Variants in CDKAL1 observed in about 807,000 individuals in gnomAD.
CDKAL1 encodes threonylcarbamoyladenosine tRNA methylthiotransferase.
A neutral mutation model predicts 68.2 loss-of-function variants in CDKAL1; 32 were observed. That is an observed-to-expected ratio of 0.47 (90% CI 0.35 to 0.63). The LOEUF is 0.63. CDKAL1 is among the 30% of genes least tolerant of loss of function. The probability of loss-of-function intolerance (pLI) is 0.00; values close to 1 mark genes in which losing one functional copy is unlikely to be tolerated. For synonymous variants in CDKAL1, 234 were observed against 244.3 expected (o/e 0.96, Z 0.39); for missense variants, 606 against 696.7 (o/e 0.87, Z 1.47).
chr6:21,170,091 T>A (rs1777320041), intron 13 of CDKAL1, among the ~76,000 whole-genome samples: 1 of 152,112 alleles, frequency 6.6e-6, no homozygotes, highest in Non-Finnish European at 1.5e-5. Context: ...TGAAGACAGC[T>A]AATGTTCTGT....
chr6:20,844,732 A>G (rs888438876), intron 8 of CDKAL1, among the ~76,000 whole-genome samples: 11 of 151,942 alleles, frequency 7.2e-5, no homozygotes, highest in African/African-American at 2.4e-4. Flanking sequence ...AAAAGAAAAT[A>G]TCGACAACAG....
intron 10 of CDKAL1, among the ~76,000 whole-genome samples, chr6:20,970,884 C>G (rs2150753765): frequency 6.6e-6 from 1 of 152,328 alleles, no homozygotes; most frequent in African/African-American, 2.4e-5. Flanking sequence ...AAGTCTCGCT[C>G]TGTCACCCAG....
intron 9 of CDKAL1, among the ~76,000 whole-genome samples, chr6:20,932,414 A>T (rs371061097): frequency 1.3e-5 from 2 of 152,166 alleles, no homozygotes; most frequent in African/African-American, 4.8e-5. Flanking sequence ...AACATACTTT[A>T]TTGGCAATTC....
chr6:20,874,332 C>T (rs1760383504), intron 9 of CDKAL1, among the ~76,000 whole-genome samples: 4 of 151,654 alleles, frequency 2.6e-5, no homozygotes, highest in South Asian at 4.2e-4. Flanking sequence ...GATGGAGTCT[C>T]GCCCTGTCGT....
intron 4 of CDKAL1, among the ~76,000 whole-genome samples, chr6:20,573,493 G>C (rs996054413): frequency 1.3e-5 from 2 of 152,030 alleles, no homozygotes; most frequent in Non-Finnish European, 2.9e-5. Context: ...ATTTCAAATT[G>C]TATCTGATAC....
chr6:21,195,014 T>C (rs1778406953), intron 13 of CDKAL1, among the ~76,000 whole-genome samples: 1 of 152,198 alleles, frequency 6.6e-6, no homozygotes, highest in South Asian at 2.1e-4. Flanking sequence ...TGATCAAAGC[T>C]TACTGCAGCC....
chr6:20,629,195 T>G (rs1328851615), intron 4 of CDKAL1, among the ~76,000 whole-genome samples: 2 of 152,194 alleles, frequency 1.3e-5, no homozygotes, highest in African/African-American at 2.4e-5. Context: ...ACTTGAGTGA[T>G]TGTGTCTTGA....
chr6:21,010,256 T>A (rs1212579922), intron 11 of CDKAL1, among the ~76,000 whole-genome samples: 4 of 151,962 alleles, frequency 2.6e-5, no homozygotes, highest in African/African-American at 9.7e-5. Flanking sequence ...AACTGCAGAG[T>A]TTCTTAATGA....
chr6:21,215,259 A>G (rs1779300230), intron 15 of CDKAL1, among the ~76,000 whole-genome samples: 1 of 152,186 alleles, frequency 6.6e-6, no homozygotes, highest in South Asian at 2.1e-4. Flanking sequence ...TTCCCGTGGT[A>G]AAGGCAAAGG....
intron 8 of CDKAL1, among the ~76,000 whole-genome samples, chr6:20,781,505 A>G (rs2150376181): frequency 6.6e-6 from 1 of 152,330 alleles, no homozygotes; most frequent in East Asian, 1.9e-4. Context: ...CATAATAAAC[A>G]TGGATTTCAT....
intron 11 of CDKAL1, among the ~76,000 whole-genome samples, chr6:21,020,331 C>T (rs896182775): frequency 2.6e-5 from 4 of 152,124 alleles, no homozygotes; most frequent in Non-Finnish European, 5.9e-5. Context: ...CAATGTTAGA[C>T]AGAAATATAT....
intron 5 of CDKAL1, among the ~76,000 whole-genome samples, chr6:20,728,945 A>G (rs1772779834): frequency 6.6e-6 from 1 of 152,110 alleles, no homozygotes; most frequent in South Asian, 2.1e-4. Context: ...ATTTGGATGA[A>G]TAGGTGAAAG....
intron 13 of CDKAL1, among the ~76,000 whole-genome samples, chr6:21,148,784 C>A (rs1776286662): frequency 6.6e-6 from 1 of 151,950 alleles, no homozygotes; most frequent in Admixed American, 6.6e-5. Flanking sequence ...AATTTTGTTT[C>A]AGGGAGAGGA....
chr6:20,675,629 G>A (rs960866565), intron 5 of CDKAL1, among the ~76,000 whole-genome samples: 12 of 152,132 alleles, frequency 7.9e-5, no homozygotes, highest in Admixed American at 5.2e-4. Context: ...GGTGTTGCTG[G>A]TGTAAACAAA....
At chr6:21,208,387 C>G (rs1223041251) in intron 15 of CDKAL1, among the ~76,000 whole-genome samples, 1 of 152,266 alleles carries the variant, frequency 6.6e-6, no homozygotes, top group Admixed American at 6.5e-5. Flanking sequence ...TTTCCAGAAC[C>G]AGTGAAGTGA....
At position 20,765,092 on chromosome 6, in the gene CDKAL1, T is replaced by A. The variant is rs193189067; in HGVS notation, c.517+6449T>A. Among the ~76,000 whole-genome samples, 331 of 152,206 alleles carry A rather than the reference T, an allele frequency of 2.2e-3. 3 individuals carry two copies. The highest frequency in any genetic ancestry group is 5.7e-3 in the African/African-American group (237 of 41,540). The stretch of plus-strand genomic sequence containing the variant: ...AGTATAGTAAAGTTAACTTTACTAT[T>A]TGATTACAGTTTGGTAACTTGCATT... On this transcript the variant is annotated intron_variant, in intron 7 of 15. Coordinates refer to ENST00000274695, the MANE Select transcript of CDKAL1 (RefSeq NM_017774.3).
At chr6:21,080,534 C>T (rs952639017) in intron 12 of CDKAL1, among the ~76,000 whole-genome samples, 10 of 152,142 alleles carry the variant, frequency 6.6e-5, no homozygotes, top group South Asian at 2.1e-4. Flanking sequence ...TTTTTAAGAG[C>T]GTGCTCCTGA....
intron 10 of CDKAL1, among the ~76,000 whole-genome samples, chr6:20,994,746 T>C (rs1453342071): frequency 2.0e-5 from 3 of 152,216 alleles, no homozygotes; most frequent in African/African-American, 7.2e-5. Context: ...AATAGCGTTA[T>C]GTGTAAAAAA....
chr6:20,880,757 T>C (rs1294275620), intron 9 of CDKAL1, among the ~76,000 whole-genome samples: 1 of 152,132 alleles, frequency 6.6e-6, no homozygotes, highest in Non-Finnish European at 1.5e-5. Context: ...GTCAGATAAT[T>C]GACATGTTAT....
Sources: allele counts gnomAD v4.1 joint callset (sites outside exome capture counted in the v4.1 genomes callset), GRCh38; gene constraint gnomAD v4.1.1; transcripts MANE v1.5; gene names NCBI Gene and HGNC (gene_info 2026-07-23, HGNC 2026-07-21).